Variants in PTGER3 observed in about 807,000 individuals in gnomAD.
PTGER3 encodes the protein prostaglandin E receptor 3, also known as prostaglandin E2 receptor EP3 subtype.
A neutral mutation model predicts 34.7 loss-of-function variants in PTGER3; 22 were observed. The observed-to-expected ratio is 0.63, with a 90% CI of 0.45 to 0.91. PTGER3 has a LOEUF of 0.91. Ranked by LOEUF, PTGER3 falls within the 40% of genes least tolerant of loss-of-function variation. PTGER3 has a pLI of 0.00. For missense variants in PTGER3, 468 were observed against 519.4 expected (o/e 0.90, Z 0.96); for synonymous variants, 241 against 230.1 (o/e 1.05, Z -0.43).
At chr1:70,964,149 A>G (rs1200684628) in intron 2 of PTGER3, among the ~76,000 whole-genome samples, 3 of 152,134 alleles carry the variant, frequency 2.0e-5, no homozygotes, top group Non-Finnish European at 4.4e-5. Context: ...CCATTCAACA[A>G]GTCTCTAGGA....
intron 1 of PTGER3, among the ~76,000 whole-genome samples, chr1:71,027,735 TA>T (rs1429667612): frequency 1.4e-4 from 22 of 152,272 alleles, no homozygotes; most frequent in Non-Finnish European, 2.2e-4. Flanking sequence ...AGATTTTTTT[TA>T]AAAAAGTAAA....
At chr1:70,906,657 C>G (rs1001149965) in intron 4 of PTGER3, among the ~76,000 whole-genome samples, 1 of 152,002 alleles carries the variant, frequency 6.6e-6, no homozygotes, top group African/African-American at 2.4e-5. Context: ...ACTCATAATG[C>G]TGTTGTAAGG....
At chr1:70,983,321 G>C (rs1319944098) in intron 2 of PTGER3, among the ~76,000 whole-genome samples, 1 of 150,818 alleles carries the variant, frequency 6.6e-6, no homozygotes, top group African/African-American at 2.4e-5. Context: ...GGCTAGAATT[G>C]GGGATATTTG....
intron 1 of PTGER3, among the ~76,000 whole-genome samples, chr1:71,014,699 C>A (rs1657739129): frequency 6.6e-6 from 1 of 152,176 alleles, no homozygotes; most frequent in Admixed American, 6.5e-5. Context: ...AGGGCCTTCA[C>A]CAGAAACTGA....
At chr1:70,957,090 G>T (rs750130476) in intron 2 of PTGER3, among the ~76,000 whole-genome samples, 8 of 152,136 alleles carry the variant, frequency 5.3e-5, no homozygotes, top group Non-Finnish European at 1.0e-4. Flanking sequence ...CCCCAAATAA[G>T]AAAGTCTGAG....
intron 4 of PTGER3, among the ~76,000 whole-genome samples, chr1:70,894,425 G>T (rs1272855044): frequency 1.3e-5 from 2 of 151,294 alleles, no homozygotes; most frequent in Non-Finnish European, 2.9e-5. Flanking sequence ...CTGCAAGTCT[G>T]CCAGAAAACT....
intron 4 of PTGER3, among the ~76,000 whole-genome samples, chr1:70,940,530 C>A: frequency 6.6e-6 from 1 of 152,168 alleles, no homozygotes; most frequent in East Asian, 1.9e-4. Flanking sequence ...ATTTGACTTA[C>A]AGTTCCACAT....
exon 4 of PTGER3, chr1:70,952,694 A>G (rs1347772923): frequency 8.3e-7 from 1 of 1,206,800 alleles, no homozygotes; most frequent in Non-Finnish European, 1.0e-6. Flanking sequence ...ATAAGTCTAA[A>G]TTGGGTAGTT....
At chr1:70,967,935 G>A (rs973135487), downstream of PTGER3, among the ~76,000 whole-genome samples, 1 of 152,108 alleles carries the variant, frequency 6.6e-6, no homozygotes, top group African/African-American at 2.4e-5. Context: ...CTCCTTGGGA[G>A]AACTTAGATA....
chr1:70,920,701 C>G (rs1362715772), intron 4 of PTGER3, among the ~76,000 whole-genome samples: 1 of 152,164 alleles, frequency 6.6e-6, no homozygotes, highest in Admixed American at 6.6e-5. Flanking sequence ...TGGGCAGACA[C>G]TTGTGAAAGA....
intron 4 of PTGER3, chr1:70,862,318 A>G (rs1188481532): frequency 7.3e-7 from 1 of 1,360,698 alleles, no homozygotes; most frequent in East Asian, 4.6e-5. Context: ...TGCTGTCAAA[A>G]TAGTTCACAG....
At chr1:70,974,236 G>C in intron 3 of PTGER3, 61 bp downstream of exon 3, 1 of 1,594,512 alleles carries the variant, frequency 6.3e-7, no homozygotes, top group Non-Finnish European at 8.5e-7. Context: ...CATCAACTCC[G>C]ATTAGAACAG....
At chr1:71,038,574 A>G (rs1399855398) in intron 1 of PTGER3, among the ~76,000 whole-genome samples, 3 of 152,310 alleles carry the variant, frequency 2.0e-5, no homozygotes, top group East Asian at 3.9e-4. Flanking sequence ...AAATTAGTTC[A>G]CTAAAATAAT....
At chr1:70,917,936 T>C (rs1429518819) in intron 4 of PTGER3, among the ~76,000 whole-genome samples, 1 of 152,086 alleles carries the variant, frequency 6.6e-6, no homozygotes, top group African/African-American at 2.4e-5. Flanking sequence ...GTTCCTTATA[T>C]AATCTGGATA....
intron 2 of PTGER3, chr1:71,009,943 T>C (rs2100847539): frequency 1.0e-6 from 1 of 985,252 alleles, no homozygotes; most frequent in East Asian, 1.1e-4. Context: ...GGGATTTTCA[T>C]TTCTTATCAG....
chr1:71,046,658 C>T (rs779744220), intron 1 of PTGER3, 23 bp downstream of exon 1: 173 of 1,522,454 alleles, frequency 1.1e-4, no homozygotes, highest in Non-Finnish European at 1.4e-4. Flanking sequence ...ATCCTGACTT[C>T]CCCCAACCCT....
chr1:70,900,706 G>A (rs1395288531), intron 4 of PTGER3, among the ~76,000 whole-genome samples: 1 of 152,108 alleles, frequency 6.6e-6, no homozygotes, highest in African/African-American at 2.4e-5. Context: ...TTTGAAGGCA[G>A]AAGAGGAATG....
chr1:70,877,169 A>T (rs1017116432), intron 4 of PTGER3, among the ~76,000 whole-genome samples: 2 of 151,160 alleles, frequency 1.3e-5, no homozygotes, highest in African/African-American at 4.9e-5. Flanking sequence ...GAGATTTTTC[A>T]CTCCCTGGTT....
intron 2 of PTGER3, among the ~76,000 whole-genome samples, chr1:70,963,987 A>G (rs1652241878): frequency 6.6e-6 from 1 of 152,180 alleles, no homozygotes; most frequent in Admixed American, 6.5e-5. Flanking sequence ...TTCCACATAT[A>G]TCTAGGGCAG....
Sources: allele counts gnomAD v4.1 joint callset (sites outside exome capture counted in the v4.1 genomes callset), GRCh38; gene constraint gnomAD v4.1.1; transcripts MANE v1.5; gene names NCBI Gene and HGNC (gene_info 2026-07-23, HGNC 2026-07-21).